CTNNA2: variants seen among roughly 807,000 people sequenced by gnomAD.
The protein encoded by CTNNA2 is catenin alpha-2.
CTNNA2 carries 42 observed loss-of-function variants against 101.0 expected under a neutral mutation model. The ratio of observed to expected loss-of-function variants is 0.42; its 90% CI spans 0.32 to 0.54. The LOEUF (loss-of-function observed/expected upper bound fraction) is 0.54. Among genes scored for constraint, CTNNA2 ranks in the 20% least tolerant of loss-of-function variants. The probability of loss-of-function intolerance (pLI) is 0.14; values close to 1 mark genes in which losing one functional copy is unlikely to be tolerated. For missense variants in CTNNA2, 871 were observed against 1,223.1 expected (o/e 0.71, Z 4.29); for synonymous variants, 450 against 456.4 (o/e 0.99, Z 0.18).
At chr2:79,604,401 A>T (rs192461625) in intron 1 of CTNNA2, among the ~76,000 whole-genome samples, 5 of 152,334 alleles carry the variant, frequency 3.3e-5, no homozygotes, top group Admixed American at 2.0e-4. Context: ...GCCCCAGCCT[A>T]CTAGACTGAG....
At chr2:80,038,839 ACT>A (rs1237255981) in intron 7 of CTNNA2, among the ~76,000 whole-genome samples, 2 of 152,088 alleles carry the variant, frequency 1.3e-5, no homozygotes, top group African/African-American at 4.8e-5. Flanking sequence ...ACACAGTGAG[ACT>A]CTGTCTCAAA....
chr2:80,028,587 G>C (rs1020907248), intron 7 of CTNNA2, among the ~76,000 whole-genome samples: 2 of 152,218 alleles, frequency 1.3e-5, no homozygotes, highest in African/African-American at 4.8e-5. Context: ...GGTGACACCT[G>C]TAATATATTA....
intron 1 of CTNNA2, among the ~76,000 whole-genome samples, chr2:79,571,842 T>C (rs1383913723): frequency 9.9e-5 from 15 of 152,190 alleles, no homozygotes; most frequent in Admixed American, 8.5e-4. Context: ...TTGGAGATGC[T>C]ATTTCCCTTA....
chr2:80,558,454 G>C (rs1292361961), intron 12 of CTNNA2, among the ~76,000 whole-genome samples: 1 of 99,874 alleles, frequency 1.0e-5, no homozygotes, highest in African/African-American at 3.0e-5. Context: ...GTGTGTGTGT[G>C]TGTGTATATA....
At chr2:79,844,457 C>T (rs146484104) in intron 3 of CTNNA2, among the ~76,000 whole-genome samples, 3 of 152,244 alleles carry the variant, frequency 2.0e-5, no homozygotes, top group Non-Finnish European at 2.9e-5. Context: ...TATTTCCTGA[C>T]GTTTTGGATA....
chr2:80,570,229 A>G (rs1694462259), intron 12 of CTNNA2, among the ~76,000 whole-genome samples: 1 of 151,892 alleles, frequency 6.6e-6, no homozygotes, highest in East Asian at 2.0e-4. Flanking sequence ...TTGTATTTTT[A>G]GTAGAGGTGG....
chr2:80,067,410 CAT>C (rs1294680817), intron 7 of CTNNA2, among the ~76,000 whole-genome samples: 2 of 151,624 alleles, frequency 1.3e-5, no homozygotes, highest in African/African-American at 4.8e-5. Context: ...TATATATAAA[CAT>C]ATATAATTTT....
At chr2:79,228,575 C>T (rs1034272981) in intron 2 of CTNNA2, among the ~76,000 whole-genome samples, 1 of 152,008 alleles carries the variant, frequency 6.6e-6, no homozygotes, top group Admixed American at 6.6e-5. Flanking sequence ...CAGTTCATGT[C>T]CTTTAGCTCA....
rs560447076 is a variant in CTNNA2 at position 79,773,842 on chromosome 2, G to T, written c.298+29260G>T. On this transcript the variant is annotated intron_variant, in intron 3 of 18. Transcript: ENST00000402739. The stretch of plus-strand genomic sequence containing the variant: ...ATCTTTTGTTTTTTTCTGTCCACTA[G>T]ATAGATCCAACACAATCTGAGTTTT... Among the ~76,000 whole-genome samples, 7 of 152,154 alleles carry T rather than the reference G, an allele frequency of 4.6e-5. No homozygotes were observed. In the South Asian group the frequency reaches 1.5e-3, roughly 32 times the overall value.
chr2:80,231,975 G>A (rs1051009698), intron 7 of CTNNA2, among the ~76,000 whole-genome samples: 41 of 152,164 alleles, frequency 2.7e-4, no homozygotes, highest in African/African-American at 9.4e-4. Context: ...AAGACCCTTG[G>A]TCTCCACAAC....
At chr2:80,331,632 A>G (rs945336812) in intron 7 of CTNNA2, among the ~76,000 whole-genome samples, 6 of 152,174 alleles carry the variant, frequency 3.9e-5, no homozygotes, top group African/African-American at 9.7e-5. Context: ...TACTTCTGCT[A>G]TCTCCCAGAT....
intron 3 of CTNNA2, among the ~76,000 whole-genome samples, chr2:79,838,668 C>T (rs1011789466): frequency 5.3e-5 from 8 of 152,004 alleles, no homozygotes; most frequent in African/African-American, 1.4e-4. Context: ...AACTGGGGAA[C>T]TTACACTAAG....
intron 7 of CTNNA2, among the ~76,000 whole-genome samples, chr2:80,213,311 G>T (rs1255553672): frequency 1.3e-5 from 2 of 152,012 alleles, no homozygotes; most frequent in Non-Finnish European, 2.9e-5. Context: ...ATGTTAGGGT[G>T]TCAATTTTAG....
chr2:80,594,645 T>C (rs969743980), intron 15 of CTNNA2, among the ~76,000 whole-genome samples: 1 of 152,176 alleles, frequency 6.6e-6, no homozygotes, highest in African/African-American at 2.4e-5. Flanking sequence ...GTTCTTATGG[T>C]TAGGTCTTTC....
chr2:80,457,102 A>G (rs1684045240), intron 9 of CTNNA2, among the ~76,000 whole-genome samples: 1 of 151,870 alleles, frequency 6.6e-6, no homozygotes, highest in Non-Finnish European at 1.5e-5. Flanking sequence ...TTTTGGACAG[A>G]GTCTCGCTCT....
chr2:79,559,855 A>T (rs1385306886), intron 1 of CTNNA2, among the ~76,000 whole-genome samples: 7 of 151,868 alleles, frequency 4.6e-5, no homozygotes, highest in Non-Finnish European at 1.0e-4. Context: ...ACTACCATTT[A>T]TGTGCCAGGC....
intron 2 of CTNNA2, among the ~76,000 whole-genome samples, chr2:79,687,100 C>T (rs10183482): frequency 0.088 from 13,377 of 152,128 alleles, 1,034 homozygotes; most frequent in East Asian, 0.44. Flanking sequence ...GCATGATGGA[C>T]ACATTCTGTG....
chr2:80,266,617 G>A (rs1358966428), intron 7 of CTNNA2, among the ~76,000 whole-genome samples: 3 of 152,346 alleles, frequency 2.0e-5, no homozygotes, highest in African/African-American at 7.2e-5. Context: ...GCTCCTCCTT[G>A]TTTAACCGGT....
intron 3 of CTNNA2, among the ~76,000 whole-genome samples, chr2:79,338,642 TCAA>T (rs200602325): frequency 6.9e-5 from 10 of 144,638 alleles, no homozygotes; most frequent in Non-Finnish European, 1.1e-4. Context: ...TTCTTCTTCT[TCAA>T]AGATTCCTCT....
Sources: allele counts gnomAD v4.1 joint callset (sites outside exome capture counted in the v4.1 genomes callset), GRCh38; gene constraint gnomAD v4.1.1; transcripts MANE v1.5; gene names NCBI Gene and HGNC (gene_info 2026-07-23, HGNC 2026-07-21).